The following MACF1 variants were observed in gnomAD, a reference collection of about 807,000 sequenced individuals.
MACF1 encodes microtubule actin crosslinking factor 1.
MACF1 carries 193 observed loss-of-function variants against 854.8 expected under a neutral mutation model. That is an observed-to-expected ratio of 0.23 (90% CI 0.20 to 0.25). MACF1 has a LOEUF of 0.25. Among genes scored for constraint, MACF1 ranks in the 10% least tolerant of loss-of-function variants. MACF1 has a pLI of 1.00. For missense variants in MACF1, 7,722 were observed against 8,929.1 expected (o/e 0.86, Z 5.45); for synonymous variants, 3,185 against 3,226.7 (o/e 0.99, Z 0.44).
At chr1:39,181,339 TG>T (rs1309403049) in intron 2 of MACF1, among the ~76,000 whole-genome samples, 2 of 152,206 alleles carry the variant, frequency 1.3e-5, no homozygotes, top group African/African-American at 4.8e-5. Flanking sequence ...TAGTAAAGAG[TG>T]GCTCACATTG....
At chr1:39,128,237 G>A (rs1177678159) in intron 2 of MACF1, among the ~76,000 whole-genome samples, 1 of 151,692 alleles carries the variant, frequency 6.6e-6, no homozygotes, top group African/African-American at 2.4e-5. Context: ...TAGAGACAGG[G>A]TCTTGCTACA....
chr1:39,197,656 G>GA (rs1644337381), intron 2 of MACF1, among the ~76,000 whole-genome samples: 1 of 152,058 alleles, frequency 6.6e-6, no homozygotes. Context: ...GCAGAGGCGG[G>GA]AGGGTCACTC....
chr1:39,453,986 T>A, intron 88 of MACF1, 136 bp downstream of exon 88: 1 of 1,094,754 alleles, frequency 9.1e-7, no homozygotes. Context: ...AACATTTTAG[T>A]AAAGACTGTT....
chr1:39,264,920 C>T (rs1049013444), intron 6 of MACF1, among the ~76,000 whole-genome samples: 8 of 151,386 alleles, frequency 5.3e-5, no homozygotes, highest in Non-Finnish European at 1.0e-4. Context: ...ATGATCCACC[C>T]GCCTCGGCCT....
At position 39,424,083 on chromosome 1, in the gene MACF1, A is replaced by G. The variant is rs759521145; in HGVS notation, c.16205A>G (p.Glu5402Gly). 1.7e-5 allele frequency: 28 copies of G among 1,612,342 alleles called. No homozygotes were observed. Among genetic ancestry groups the G allele is most frequent in the Non-Finnish European group, 2.2e-5 (26 of 1,179,752 alleles). ...GCCACAGTAGACATGCTTCAAGCAGAAGGAGGCAGAATAGCCCAGTCAGCA... is the reference window on the plus strand; with the variant it reads ...GCCACAGTAGACATGCTTCAAGCAGGAGGAGGCAGAATAGCCCAGTCAGCA... Reference protein sequence around the residue: ...RKATVDMLQAEGGRIAQSAEL... With the variant: ...RKATVDMLQAGGGRIAQSAEL... Residue 5402 changes from glutamate (E) to glycine (G), a missense_variant, in exon 61 of 101, where the codon GAA becomes GGA. By Grantham distance (98) the Glu-to-Gly change is moderately conservative. Around this residue, in one of 15 missense-constraint regions of MACF1, gnomAD observed 2,807 missense variants for 3,235.8 expected, o/e 0.87. Transcript: ENST00000564288.
intron 1 of MACF1, among the ~76,000 whole-genome samples, chr1:39,216,770 C>T (rs560329686): frequency 6.6e-6 from 1 of 151,644 alleles, no homozygotes; most frequent in African/African-American, 2.4e-5. Context: ...TGGAGATAAA[C>T]GTATAGCAAA....
intron 1 of MACF1, among the ~76,000 whole-genome samples, chr1:39,229,750 T>C (rs1035434727): frequency 6.6e-6 from 1 of 152,172 alleles, no homozygotes; most frequent in Non-Finnish European, 1.5e-5. Context: ...TCTTTTTCTT[T>C]TTATGAGATT....
intron 95 of MACF1, 56 bp downstream of exon 95, chr1:39,465,168 T>G: frequency 6.5e-7 from 1 of 1,549,110 alleles, no homozygotes; most frequent in Non-Finnish European, 8.9e-7. Flanking sequence ...GTGTAGCTAA[T>G]GCTGCCTGTT....
intron 38 of MACF1, among the ~76,000 whole-genome samples, chr1:39,340,183 A>G (rs1358350052): frequency 6.6e-6 from 1 of 152,164 alleles, no homozygotes; most frequent in Non-Finnish European, 1.5e-5. Flanking sequence ...CAGTGGAGGG[A>G]GCACACTGCA....
rs1460885489 is a variant in MACF1 at position 39,336,437 on chromosome 1, G to A, written c.9849G>A (p.Glu3283=). Residue 3283 remains glutamate (E), a synonymous_variant, in exon 37 of 101, where the codon GAG becomes GAA. Transcript: ENST00000564288. ...TGTTCAAAGGAGTGTCTCAAAAAGA[G>A]AATACAGGGCAACAGAATGCCATCA... ...EKLFKGVSQK[E]NTGQQNAIIS... 3 of 1,614,032 alleles carry A rather than the reference G, an allele frequency of 1.9e-6. No homozygotes were observed.
At chr1:39,157,713 T>G (rs1643720981) in intron 2 of MACF1, among the ~76,000 whole-genome samples, 1 of 152,286 alleles carries the variant, frequency 6.6e-6, no homozygotes, top group African/African-American at 2.4e-5. Context: ...TCTATTTACT[T>G]TTTCTTTTTT....
In MACF1 at chr1:39,448,093, T is replaced by A; in HGVS notation, c.20029T>A (p.Ser6677Thr). 1 of 1,614,122 alleles carries A rather than the reference T, an allele frequency of 6.2e-7. No individual in the cohort carries two copies. The highest frequency in any genetic ancestry group is 8.5e-7 in the Non-Finnish European group (1 of 1,179,980). The stretch of plus-strand genomic sequence containing the variant: ...AGAAGATGCAGAGAGTCACCTGGAC[T>A]CAGAACTAGAGATATCCAATGACCC... ...WLEDAESHLD[S>T]ELEISNDPDK... Residue 6677 changes from serine to threonine, a missense_variant, in exon 83 of 101, where the codon TCA (serine) becomes ACA (threonine). This residue lies in a region of MACF1 where 729 missense variants were observed against 900.5 expected (regional missense o/e 0.81). Transcript: ENST00000564288.
intron 2 of MACF1, among the ~76,000 whole-genome samples, chr1:39,199,184 AC>A: frequency 6.6e-6 from 1 of 151,600 alleles, no homozygotes; most frequent in Non-Finnish European, 1.5e-5. Context: ...ATGGGGTTTC[AC>A]CGTGTTAGCC....
At position 39,351,010 on chromosome 1, in the gene MACF1, A is replaced by G. The variant is rs1198488130; in HGVS notation, c.11191A>G (p.Thr3731Ala). Residue 3731 changes from threonine to alanine, a missense_variant, in exon 43 of 101, where the codon ACT becomes GCT. By Grantham distance (58) the Thr-to-Ala change is moderately conservative (BLOSUM62 0). Transcript: ENST00000564288. Reference sequence around the variant, plus strand: ...AGTGACCTCCGCCTTACAGCAGGAGACTGAAAAGGTAATAGACTGCTATGA... The same window carrying G: ...AGTGACCTCCGCCTTACAGCAGGAGGCTGAAAAGGTAATAGACTGCTATGA... ...EAVTSALQQE[T>A]EKSKAAKELA... is the part of the protein sequence containing the mutation. 5 of 1,613,196 alleles carry G rather than the reference A, an allele frequency of 3.1e-6. No individual in the cohort carries two copies. The highest frequency in any genetic ancestry group is 3.4e-6 in the Non-Finnish European group (4 of 1,179,418).
chr1:39,411,502 G>T (rs941139099), intron 58 of MACF1: 2 of 1,613,590 alleles, frequency 1.2e-6, no homozygotes, highest in African/African-American at 2.7e-5. Flanking sequence ...TGTTCCCAAG[G>T]ATATACCCCT....
chr1:39,237,601 T>A (rs1034368006), intron 2 of MACF1, among the ~76,000 whole-genome samples: 35 of 151,940 alleles, frequency 2.3e-4, no homozygotes, highest in African/African-American at 8.2e-4. Context: ...ATTAGAGGAG[T>A]GAAGTGACTT....
At chr1:39,411,282 G>C in intron 58 of MACF1, 4 of 1,614,026 alleles carry the variant, frequency 2.5e-6, no homozygotes, top group Non-Finnish European at 3.4e-6. Flanking sequence ...GGGAGGAAGA[G>C]AAACTGTCAG....
intron 2 of MACF1, among the ~76,000 whole-genome samples, chr1:39,113,437 G>T (rs983781228): frequency 6.6e-6 from 1 of 152,084 alleles, no homozygotes; most frequent in Non-Finnish European, 1.5e-5. Context: ...TGTGTTTATC[G>T]TTCTGAATAA....
rs1468920440 is a variant in MACF1 at position 39,427,534 on chromosome 1, G to A, written c.16396G>A (p.Val5466Ile). The change falls in exon 62 of 101, where the codon GTC becomes ATC. Residue 5466 changes from valine to isoleucine, a missense_variant. Physicochemically the swap from Val to Ile is conservative, Grantham distance 29. This residue lies in a region of MACF1 where 2,807 missense variants were observed against 3,235.8 expected (regional missense o/e 0.87). Transcript: ENST00000564288. ...TAEPISDFLS[V>I]TEKKLANSEP... Reference sequence around the variant, plus strand: ...TGAGCCTATTTCTGACTTCTTATCTGTCACAGAGAAAAAGCTTGCTAACTC... The same window carrying A: ...TGAGCCTATTTCTGACTTCTTATCTATCACAGAGAAAAAGCTTGCTAACTC... The A allele has an allele frequency of 5.6e-6, 9 of 1,613,906 alleles. No homozygotes were observed. Among genetic ancestry groups the A allele is most frequent in the Non-Finnish European group, 7.6e-6 (9 of 1,179,980 alleles).
Sources: gnomAD v4.1 joint callset for allele counts (sites outside exome capture counted in the v4.1 genomes callset) on GRCh38, gnomAD v4.1.1 for gene constraint, gnomAD v4.1.1 regional missense constraint, MANE v1.5 for transcripts, NCBI Gene and HGNC (gene_info 2026-07-23, HGNC 2026-07-21) for gene names.